The following ALS2 variants were observed in gnomAD, a reference collection of about 807,000 sequenced individuals.
The protein encoded by ALS2 is alsin.
A neutral mutation model predicts 203.4 loss-of-function variants in ALS2; 117 were observed. The ratio of observed to expected loss-of-function variants is 0.58; its 90% CI spans 0.50 to 0.67. The LOEUF (loss-of-function observed/expected upper bound fraction) is 0.67. Ranked by LOEUF, ALS2 falls within the 30% of genes least tolerant of loss-of-function variation. ALS2 has a pLI of 0.00. For missense variants in ALS2, 1,715 were observed against 1,989.4 expected (o/e 0.86, Z 2.62); for synonymous variants, 718 against 725.9 (o/e 0.99, Z 0.17).
intron 31 of ALS2, 144 bp from the exon 32 acceptor site, chr2:201,704,747 CTT>C: frequency 1.1e-6 from 1 of 895,280 alleles, no homozygotes; most frequent in Non-Finnish European, 1.8e-6. Context: ...GAAAGGATGA[CTT>C]TGTACTCCCA....
chr2:201,753,721 T>C (rs1213755810), intron 6 of ALS2, among the ~76,000 whole-genome samples: 5 of 152,234 alleles, frequency 3.3e-5, no homozygotes, highest in Non-Finnish European at 5.9e-5. Flanking sequence ...TTTACCCTAA[T>C]ATATGTGAAT....
chr2:201,705,948 CAAA>C (rs36043130), intron 29 of ALS2, among the ~76,000 whole-genome samples: 1 of 143,820 alleles, frequency 7.0e-6, no homozygotes, highest in Non-Finnish European at 1.5e-5. Context: ...GACTCCGTCT[CAAA>C]AAAAAAAAAA....
At chr2:201,714,774 C>A (rs986134562) in intron 25 of ALS2, among the ~76,000 whole-genome samples, 2 of 152,160 alleles carry the variant, frequency 1.3e-5, no homozygotes, top group African/African-American at 4.8e-5. Context: ...GAGTGGTCAA[C>A]CTATGAGCTT....
chr2:201,723,490 G>A, intron 21 of ALS2, 49 bp from the exon 22 acceptor site: 1 of 1,476,510 alleles, frequency 6.8e-7, no homozygotes, highest in Non-Finnish European at 9.5e-7. Context: ...TAAGGATAAA[G>A]TAGGGAAAAG....
intron 3 of ALS2, among the ~76,000 whole-genome samples, chr2:201,766,081 G>A (rs1025025355): frequency 3.3e-5 from 5 of 152,092 alleles, no homozygotes; most frequent in African/African-American, 1.2e-4. Context: ...TAACACATGG[G>A]GCTTAGTATA....
At chr2:201,780,819 G>T (rs41308794) in intron 1 of ALS2, 58 bp downstream of exon 1, 5,096 of 152,914 alleles carry the variant, frequency 0.033, 95 homozygotes, top group African/African-American at 0.052. Context: ...CATACAAGGG[G>T]TCCCAGCCGA....
chr2:201,720,720 C>CAT (rs1219325825), intron 23 of ALS2, among the ~76,000 whole-genome samples: 3 of 97,256 alleles, frequency 3.1e-5, no homozygotes, highest in African/African-American at 1.4e-4. Flanking sequence ...TCTCAACACA[C>CAT]ACACACACAC....
chr2:201,742,932 G>A (rs1000989698), intron 10 of ALS2, among the ~76,000 whole-genome samples: 4 of 151,828 alleles, frequency 2.6e-5, no homozygotes, highest in Non-Finnish European at 5.9e-5. Context: ...ATTAGCAGGA[G>A]TGGTAGTGCA....
rs759594354 is a variant in ALS2 at position 201,723,083 on chromosome 2, T to C, written c.3662A>G (p.Tyr1221Cys). 3.7e-6 allele frequency: 6 copies of C among 1,613,782 alleles called. No homozygotes were observed. Among genetic ancestry groups the C allele is most frequent in the South Asian group, 1.1e-5 (1 of 91,044 alleles). Residue 1221 changes from tyrosine to cysteine, a missense_variant, in exon 23 of 34, where the codon TAT (tyrosine) becomes TGT (cysteine). Tyr to Cys is a radical substitution (Grantham distance 194). Transcript: ENST00000264276. ...GVLLSEDDTI[Y>C]EGEFSDDWTL... ...CCAGTCATCTGAAAATTCTCCTTCA[T>C]AGATAGTATCATCTTCGGAAAGCAA...
intron 8 of ALS2, among the ~76,000 whole-genome samples, chr2:201,747,402 T>C (rs1692732042): frequency 6.6e-6 from 1 of 150,634 alleles, no homozygotes; most frequent in South Asian, 2.1e-4. Flanking sequence ...AAACACAAAT[T>C]CCCAGGCCCC....
At position 201,705,404 on chromosome 2, in the gene ALS2, A is replaced by C. The variant is rs1419876377; in HGVS notation, c.4626+12T>G. 3.7e-6 allele frequency: 6 copies of C among 1,613,222 alleles called. No individual in the cohort carries two copies. In the African/African-American group the frequency reaches 6.7e-5, roughly 18 times the overall value. ...AAAGCATATTTGCTGAGGAAAAGAA[A>C]ATCTACTATACCTTTTTACTCTCTC... On this transcript the variant is annotated intron_variant, in intron 30 of 33. Transcript: ENST00000264276.
intron 3 of ALS2, among the ~76,000 whole-genome samples, chr2:201,766,798 T>C (rs1694109532): frequency 6.9e-6 from 1 of 145,086 alleles, no homozygotes; most frequent in East Asian, 2.0e-4. Flanking sequence ...TGTAGGGACA[T>C]GGATGAAACT....
At chr2:201,738,917 G>A (rs1033510003) in intron 11 of ALS2, among the ~76,000 whole-genome samples, 182 bp from the exon 12 acceptor site, 5 of 152,158 alleles carry the variant, frequency 3.3e-5, no homozygotes, top group Non-Finnish European at 7.4e-5. Context: ...GGTAAAGGGA[G>A]TGGTAGGGGA....
chr2:201,769,002 T>TAAA (rs10655798), intron 1 of ALS2, 57 bp from the exon 2 acceptor site: 96 of 623,126 alleles, frequency 1.5e-4, no homozygotes, highest in South Asian at 5.4e-4. Flanking sequence ...CCTCAGACAT[T>TAAA]AAAAAAAAAA....
At position 201,709,865 on chromosome 2, in the gene ALS2, T is replaced by C. The variant is rs140257386; in HGVS notation, c.4280+16A>G. The C allele has an allele frequency of 2.4e-4, 389 of 1,613,934 alleles. 4 individuals are homozygous for C. The African/African-American group carries it at 4.1e-3, about 17-fold the overall frequency. ...GTATTCCATAGCCCGCAGACTTTAG[T>C]GAAAAGCTCTCTTACCTCACCAGCT... On this transcript the variant is annotated intron_variant, in intron 27 of 33. Transcript: ENST00000264276.
chr2:201,745,989 G>A (rs1692617479), intron 9 of ALS2, among the ~76,000 whole-genome samples: 1 of 152,094 alleles, frequency 6.6e-6, no homozygotes, highest in Non-Finnish European at 1.5e-5. Flanking sequence ...TAAAAGTGGA[G>A]AAGTGAAGCA....
chr2:201,754,756 A>G (rs1233570403), intron 5 of ALS2, 85 bp from the exon 6 acceptor site: 38 of 1,422,644 alleles, frequency 2.7e-5, no homozygotes, highest in Non-Finnish European at 3.6e-5. Flanking sequence ...AAGATTTTCA[A>G]AAACATACGC....
intron 1 of ALS2, chr2:201,778,605 A>G (rs1391412096): frequency 1.3e-5 from 2 of 152,018 alleles, no homozygotes; most frequent in Non-Finnish European, 2.9e-5. Flanking sequence ...ACTACCTAAC[A>G]TTTTCTTAAG....
chr2:201,748,430 A>T (rs1204172108), intron 8 of ALS2, among the ~76,000 whole-genome samples: 1 of 152,194 alleles, frequency 6.6e-6, no homozygotes, highest in Non-Finnish European at 1.5e-5. Context: ...GACTTCAAAA[A>T]TGTTTTTCTC....
Sources: allele counts gnomAD v4.1 joint callset (sites outside exome capture counted in the v4.1 genomes callset), GRCh38; gene constraint gnomAD v4.1.1; transcripts MANE v1.5; gene names NCBI Gene and HGNC (gene_info 2026-07-23, HGNC 2026-07-21).